SMIM7: variants seen among roughly 807,000 people sequenced by gnomAD.
SMIM7 encodes the protein UPF0608 protein C19orf42.
Under a neutral mutation model 13.3 loss-of-function variants are expected in SMIM7, and 12 were observed. The observed-to-expected ratio is 0.90, with a 90% CI of 0.58 to 1.46. SMIM7 has a LOEUF of 1.46. SMIM7 is among the 40% of genes most tolerant of loss of function. The pLI is 0.00. For synonymous variants in SMIM7, 36 were observed against 35.8 expected, an observed-to-expected ratio of 1.01 and a Z score of -0.02; for missense variants, 114 against 94.8, an observed-to-expected ratio of 1.20 and a Z score of -0.84.
intron 4 of SMIM7, chr19:16,652,668 C>T (rs1352536309): frequency 1.4e-6 from 2 of 1,394,498 alleles, no homozygotes; most frequent in East Asian, 2.7e-5. Flanking sequence ...TGCCATCCTC[C>T]CCAGATCTCC....
chr19:16,644,358 G>A (rs1352427917), downstream of SMIM7, among the ~76,000 whole-genome samples: 1 of 151,750 alleles, frequency 6.6e-6, no homozygotes, highest in Non-Finnish European at 1.5e-5. Flanking sequence ...CTGACCACAG[G>A]TGACCTGCCC....
At chr19:16,659,559 A>G in intron 2 of SMIM7, 112 bp from the exon 3 acceptor site, 1 of 1,100,096 alleles carries the variant, frequency 9.1e-7, no homozygotes, top group Non-Finnish European at 1.3e-6. Flanking sequence ...GCCCTGCCGC[A>G]AACTTGCTGT....
chr19:16,639,623 C>CA (rs1251323287), intron 4 of SMIM7, among the ~76,000 whole-genome samples: 6 of 152,186 alleles, frequency 3.9e-5, no homozygotes, highest in Non-Finnish European at 8.8e-5. Context: ...CCTGTGTCCC[C>CA]ACCCAAATCT....
At chr19:16,660,042 C>G (rs1201167143) in intron 1 of SMIM7, 42 bp from the exon 2 acceptor site, 1 of 1,614,168 alleles carries the variant, frequency 6.2e-7, no homozygotes, top group Non-Finnish European at 8.5e-7. Flanking sequence ...GCCCCCGCGT[C>G]CTGCCTGGCT....
chr19:16,648,583 AGCAATAAC>A, intron 4 of SMIM7, among the ~76,000 whole-genome samples: 1 of 152,400 alleles, frequency 6.6e-6, no homozygotes, highest in East Asian at 1.9e-4. Flanking sequence ...CTTATGGATC[AGCAATAAC>A]CCAATTTTTA....
chr19:16,651,947 G>T (rs932803626), intron 4 of SMIM7, among the ~76,000 whole-genome samples: 14 of 148,756 alleles, frequency 9.4e-5, no homozygotes, highest in Admixed American at 2.7e-4. Context: ...CTTCTTCCCT[G>T]CCCCAGGACC....
In SMIM7 at chr19:16,647,073, C is replaced by T. The variant is rs1302531623; in HGVS notation, c.*173G>A. 1.2e-5 allele frequency: 9 copies of T among 730,698 alleles called. No homozygotes were observed. The highest frequency in any genetic ancestry group is 2.7e-5 in the Admixed American group (1 of 37,714). The allele number at this position is 730,698 out of a possible 1,614,324, so 45.3% of individuals were successfully genotyped here. On this transcript the variant is annotated 3_prime_UTR_variant, in exon 5 of 5. Transcript: ENST00000487416. ...GTGAAACTATCTTTGAAAACAGGGA[C>T]GTGGCTGGGAAACCATGCACACCTC...
intron 4 of SMIM7, 131 bp downstream of exon 4, chr19:16,653,904 A>C: frequency 1.3e-6 from 1 of 777,086 alleles, no homozygotes; most frequent in South Asian, 1.9e-5. Context: ...CAAACAAAAC[A>C]AAAAATAAAG....
rs2086447261 is a variant in SMIM7 at position 16,646,163 on chromosome 19, A to T, written c.*1083T>A. On this transcript the variant is annotated 3_prime_UTR_variant, in exon 5 of 5. Transcript: ENST00000487416. ...AAACAAAAGGTCCTTTTTAGAAATGAGGTTTATTTTCAAGGCTACTCAGTC... is the reference window on the plus strand; with the variant it reads ...AAACAAAAGGTCCTTTTTAGAAATGTGGTTTATTTTCAAGGCTACTCAGTC... The T allele has an allele frequency of 6.6e-6, 1 of 151,884 alleles. No homozygotes were observed. The highest frequency in any genetic ancestry group is 6.6e-5 in the Admixed American group (1 of 15,220). 9.4% of individuals were successfully genotyped at this position (151,884 alleles called of 1,614,324 possible).
At chr19:16,642,849 A>G (rs1327453300), downstream of SMIM7, among the ~76,000 whole-genome samples, 12 of 142,142 alleles carry the variant, frequency 8.4e-5, no homozygotes, top group African/African-American at 3.2e-4. Context: ...TTTGAGACAG[A>G]GTCTCACTCT....
Position 16,654,054 on chromosome 19 carries a change from T to C in SMIM7, c.193A>G (p.Met65Val). Residue 65 changes from methionine to valine, a missense_variant, in exon 4 of 5, where the codon ATG becomes GTG. By Grantham distance (21) the Met-to-Val change is conservative. Coordinates refer to ENST00000487416, the MANE Select transcript of SMIM7 (RefSeq NM_024104.4). Reference sequence around the variant, plus strand: ...ACTCACACAATCATGCAGAACATCATGAAGATGTTCCACAGGGCGATGAAG... The same window carrying C: ...ACTCACACAATCATGCAGAACATCACGAAGATGTTCCACAGGGCGATGAAG... ...RIFIALWNIF[M>V]MFCMIVLFGS 1 of 1,613,946 alleles carries C rather than the reference T, an allele frequency of 6.2e-7. No homozygotes were observed. The highest frequency in any genetic ancestry group is 8.5e-7 in the Non-Finnish European group (1 of 1,179,972).
intron 4 of SMIM7, chr19:16,652,811 G>C: frequency 1.3e-6 from 2 of 1,545,630 alleles, no homozygotes; most frequent in South Asian, 1.2e-5. Context: ...AAGCATACAG[G>C]GATGGACCCA....
intron 4 of SMIM7, among the ~76,000 whole-genome samples, chr19:16,651,642 C>G (rs144822377): frequency 6.6e-6 from 1 of 152,168 alleles, no homozygotes. Context: ...ACAGGAAAGA[C>G]GAGAATGAGA....
intron 4 of SMIM7, among the ~76,000 whole-genome samples, chr19:16,633,387 CAG>C (rs1300244829): frequency 7.0e-6 from 1 of 143,232 alleles, no homozygotes; most frequent in Non-Finnish European, 1.5e-5. Flanking sequence ...ACCCAGGAGA[CAG>C]AGGTTGCAGT....
chr19:16,654,474 AGCTCAGTGCCCACAG>A (rs1488858733), intron 3 of SMIM7, among the ~76,000 whole-genome samples: 1 of 152,172 alleles, frequency 6.6e-6, no homozygotes, highest in Non-Finnish European at 1.5e-5. Context: ...AAGCTCAGTA[AGCTCAGTGCCCACAG>A]GCCAAATCCA....
chr19:16,640,191 G>C (rs2086395076), intron 4 of SMIM7: 2 of 152,128 alleles, frequency 1.3e-5, no homozygotes, highest in African/African-American at 4.8e-5. Flanking sequence ...CGATTCTCCT[G>C]TCAGCCTTCC....
chr19:16,644,240 C>A (rs778120160), downstream of SMIM7, among the ~76,000 whole-genome samples: 1 of 149,980 alleles, frequency 6.7e-6, no homozygotes, highest in African/African-American at 2.5e-5. Flanking sequence ...CCTGCCTCAG[C>A]CTCCTGAGTA....
intron 4 of SMIM7, among the ~76,000 whole-genome samples, chr19:16,638,272 G>A (rs1039279515): frequency 6.6e-5 from 10 of 150,780 alleles, no homozygotes; most frequent in Admixed American, 1.3e-4. Flanking sequence ...CAAAAGAACC[G>A]TGAGGCAATT....
chr19:16,653,618 G>A (rs140434386), intron 4 of SMIM7: 33 of 182,092 alleles, frequency 1.8e-4, no homozygotes, highest in African/African-American at 5.0e-4. Context: ...AAACAGGGCC[G>A]TGCACAGTGG....
Sources: allele counts gnomAD v4.1 joint callset (sites outside exome capture counted in the v4.1 genomes callset), GRCh38; gene constraint gnomAD v4.1.1; transcripts MANE v1.5; gene names NCBI Gene and HGNC (gene_info 2026-07-23, HGNC 2026-07-21).